Variants in ZBTB38 observed in about 807,000 individuals in gnomAD.
The protein encoded by ZBTB38 is zinc finger and BTB domain containing 38.
Under a neutral mutation model 76.8 loss-of-function variants are expected in ZBTB38, and 20 were observed. The ratio of observed to expected loss-of-function variants is 0.26; its 90% confidence interval spans 0.18 to 0.38. The LOEUF (loss-of-function observed/expected upper bound fraction) is 0.38. Among genes scored for constraint, ZBTB38 ranks in the 10% least tolerant of loss-of-function variants. The pLI, the probability that ZBTB38 is intolerant of heterozygous loss-of-function variation, is 1.00. For synonymous variants in ZBTB38, 504 were observed against 544.2 expected, an observed-to-expected ratio of 0.93 and a Z score of 1.03; for missense variants, 1,082 against 1,482.3, an observed-to-expected ratio of 0.73 and a Z score of 4.43.
intron 1 of ZBTB38, among the ~76,000 whole-genome samples, chr3:141,350,045 A>G (rs1285308727): frequency 6.6e-6 from 1 of 152,236 alleles, no homozygotes; most frequent in Non-Finnish European, 1.5e-5. Context: ...AAAACGAAAG[A>G]GTCTTAGAGG....
At chr3:141,419,912 A>G (rs9869054) in intron 5 of ZBTB38, among the ~76,000 whole-genome samples, 1,660 of 152,254 alleles carry the variant, frequency 0.011, 31 homozygotes, top group African/African-American at 0.038. Context: ...GCTTGAACCC[A>G]GGAGGCGGAG....
chr3:141,402,494 G>GGGCGA (rs1553767106), intron 4 of ZBTB38: 1 of 144,090 alleles, frequency 6.9e-6, no homozygotes, highest in Admixed American at 6.7e-5. Context: ...GGGCGGGGCG[G>GGGCGA]GGCGAGGCGC....
At chr3:141,346,782 T>TTTTGTGTG (rs150173767) in intron 1 of ZBTB38, among the ~76,000 whole-genome samples, 35 of 144,676 alleles carry the variant, frequency 2.4e-4, no homozygotes, top group South Asian at 4.5e-4. Flanking sequence ...TTGTTTTGTT[T>TTTTGTGTG]TGTGTGTGTG....
intron 5 of ZBTB38, among the ~76,000 whole-genome samples, chr3:141,440,159 G>T (rs2079788186): frequency 6.6e-6 from 1 of 152,112 alleles, no homozygotes; most frequent in Non-Finnish European, 1.5e-5. Context: ...GTTAAATAAA[G>T]AAAATGAAAC....
At chr3:141,423,542 T>G (rs2075825571) in intron 5 of ZBTB38, among the ~76,000 whole-genome samples, 1 of 151,968 alleles carries the variant, frequency 6.6e-6, no homozygotes, top group East Asian at 1.9e-4. Flanking sequence ...AACCCAGGAG[T>G]GGGTAACCAG....
At chr3:141,402,338 C>A (rs1462870926) in intron 4 of ZBTB38, 1 of 151,712 alleles carries the variant, frequency 6.6e-6, no homozygotes, top group Non-Finnish European at 1.5e-5. Flanking sequence ...AGAGCCGAGC[C>A]GCCGGCGTCC....
At chr3:141,372,024 G>T (rs1271970022) in intron 2 of ZBTB38, among the ~76,000 whole-genome samples, 2 of 152,218 alleles carry the variant, frequency 1.3e-5, no homozygotes, top group East Asian at 3.9e-4. Flanking sequence ...ATTGACTTTT[G>T]CCCCTGGACT....
intron 1 of ZBTB38, among the ~76,000 whole-genome samples, chr3:141,342,447 G>T (rs1266843820): frequency 6.7e-6 from 1 of 148,578 alleles, no homozygotes. Flanking sequence ...AAGTATATAC[G>T]TTTATTAATT....
chr3:141,422,656 A>G (rs988691016), intron 5 of ZBTB38, among the ~76,000 whole-genome samples: 1 of 152,076 alleles, frequency 6.6e-6, no homozygotes, highest in African/African-American at 2.4e-5. Flanking sequence ...GAAGCCACTC[A>G]AGGGGTAGAA....
Position 141,404,406 on chromosome 3 carries a change from C to G in ZBTB38, c.-1+375C>G, listed in dbSNP as rs75350598. ...CCAGTGGGTTGGGGTCAAGGCAGGACTGGACCTTGAATCTTCGTTGCTCAG... is the reference window on the plus strand; with the variant it reads ...CCAGTGGGTTGGGGTCAAGGCAGGAGTGGACCTTGAATCTTCGTTGCTCAG... On this transcript the variant is annotated intron_variant, in intron 5 of 5. Coordinates refer to ENST00000321464, the MANE Select transcript of ZBTB38 (RefSeq NM_001376113.1). Among the ~76,000 whole-genome samples, 760 of 152,256 alleles carry G rather than the reference C, an allele frequency of 5.0e-3. 6 individuals carry two copies. Among genetic ancestry groups the G allele is most frequent in the African/African-American group, 0.017 (711 of 41,540 alleles).
chr3:141,408,699 T>G (rs1418693068), intron 5 of ZBTB38, among the ~76,000 whole-genome samples: 1 of 152,260 alleles, frequency 6.6e-6, no homozygotes, highest in Admixed American at 6.5e-5. Flanking sequence ...TATATGGAAT[T>G]GCTCTTTATG....
chr3:141,397,495 AC>A (rs1190788516), intron 4 of ZBTB38, among the ~76,000 whole-genome samples: 2 of 152,086 alleles, frequency 1.3e-5, no homozygotes, highest in Non-Finnish European at 2.9e-5. Flanking sequence ...TTTCCTTACA[AC>A]TTGGCTAAAT....
chr3:141,404,818 G>C (rs757793654), intron 5 of ZBTB38, among the ~76,000 whole-genome samples: 9 of 152,190 alleles, frequency 5.9e-5, no homozygotes, highest in African/African-American at 9.7e-5. Flanking sequence ...GCACAGCTCT[G>C]TGCCAGGACT....
chr3:141,411,993 C>A lies in ZBTB38; in HGVS notation c.-1+7962C>A, dbSNP rs35225290. ...AATGCGTTTCTGATAAGAAGATTTGCACCTTTCTCTATTTTAGAAAATACT... is the reference window on the plus strand; with the variant it reads ...AATGCGTTTCTGATAAGAAGATTTGAACCTTTCTCTATTTTAGAAAATACT... On this transcript the variant is annotated intron_variant, in intron 5 of 5. Coordinates refer to ENST00000321464, the MANE Select transcript of ZBTB38 (RefSeq NM_001376113.1). Among the ~76,000 whole-genome samples the A allele has an allele frequency of 2.0e-5, 3 of 152,014 alleles. No individual in the cohort carries two copies. In the East Asian group the frequency reaches 5.8e-4, roughly 29 times the overall value.
At chr3:141,338,875 T>C (rs550735482) in intron 1 of ZBTB38, among the ~76,000 whole-genome samples, 1 of 152,248 alleles carries the variant, frequency 6.6e-6, no homozygotes, top group Admixed American at 6.5e-5. Context: ...AGACCTGACA[T>C]TCTAGTGGGG....
At chr3:141,440,488 TA>T (rs2079878691) in intron 5 of ZBTB38, among the ~76,000 whole-genome samples, 1 of 152,220 alleles carries the variant, frequency 6.6e-6, no homozygotes, top group Non-Finnish European at 1.5e-5. Context: ...TGCCATGAGC[TA>T]AATGTTATAC....
Position 141,444,292 on chromosome 3 carries a change from C to T in ZBTB38, c.1904C>T (p.Thr635Ile). ...LTNSPAIPLE[T>I]SACQDIPTSA... ...AACAGTCCAGCCATCCCATTGGAAA[C>T]ATCTGCATGTCAGGACATACCCACT... Residue 635 changes from threonine (T) to isoleucine (I), a missense_variant, in exon 6 of 6, where the codon ACA becomes ATA. Transcript: ENST00000321464. The surrounding 1 kb of genome is among the most constrained non-coding windows in gnomAD (Gnocchi z 5.1). 6.2e-7 allele frequency: 1 copy of T among 1,614,218 alleles called. No homozygotes were observed. The highest frequency in any genetic ancestry group is 8.5e-7 in the Non-Finnish European group (1 of 1,180,040).
At chr3:141,406,041 C>T (rs1954266467) in intron 5 of ZBTB38, among the ~76,000 whole-genome samples, 2 of 152,116 alleles carry the variant, frequency 1.3e-5, no homozygotes, top group Non-Finnish European at 2.9e-5. Context: ...GATGGAGAAA[C>T]TTGGAGCATA....
chr3:141,328,143 C>A (rs541902726), intron 1 of ZBTB38, among the ~76,000 whole-genome samples: 1 of 152,278 alleles, frequency 6.6e-6, no homozygotes, highest in Non-Finnish European at 1.5e-5. Context: ...AACAGTGACA[C>A]CCTCTCTTCC....
Sources: allele counts gnomAD v4.1 joint callset (sites outside exome capture counted in the v4.1 genomes callset), GRCh38; gene constraint gnomAD v4.1.1; non-coding constraint Gnocchi (gnomAD v3.1); transcripts MANE v1.5; gene names NCBI Gene and HGNC (gene_info 2026-07-23, HGNC 2026-07-21).